Variants in GIGYF2 observed in about 807,000 individuals in gnomAD.
GIGYF2 encodes the protein GRB10 interacting GYF protein 2.
GIGYF2 carries 25 observed loss-of-function variants against 208.1 expected under a neutral mutation model. The observed-to-expected ratio is 0.12, with a 90% CI of 0.09 to 0.17. The LOEUF (loss-of-function observed/expected upper bound fraction) is 0.17, where lower values mean the gene tolerates loss of function less well. Ranked by LOEUF, GIGYF2 falls within the 10% of genes least tolerant of loss-of-function variation. The pLI is 1.00. For missense variants in GIGYF2, 1,302 were observed against 1,579.4 expected (o/e 0.82, Z 2.98); for synonymous variants, 534 against 543.8 (o/e 0.98, Z 0.25).
intron 2 of GIGYF2, among the ~76,000 whole-genome samples, chr2:232,720,282 T>C (rs1696875424): frequency 6.6e-6 from 1 of 152,218 alleles, no homozygotes; most frequent in Non-Finnish European, 1.5e-5. Flanking sequence ...ACTCATCCTT[T>C]TTTATGGCTG....
chr2:232,717,882 C>T (rs1333254339), intron 2 of GIGYF2, among the ~76,000 whole-genome samples: 1 of 152,082 alleles, frequency 6.6e-6, no homozygotes, highest in Non-Finnish European at 1.5e-5. Context: ...ATCCAGACAC[C>T]TCCCATTAGA....
At chr2:232,800,964 G>T (rs1187481407) in intron 14 of GIGYF2, among the ~76,000 whole-genome samples, 1 of 152,016 alleles carries the variant, frequency 6.6e-6, no homozygotes, top group Non-Finnish European at 1.5e-5. Context: ...TGCAACCTCT[G>T]CCTTCTGGGT....
In GIGYF2 at chr2:232,796,342, G is replaced by T. The variant is rs1019626860; in HGVS notation, c.1639+121G>T. 116 of 735,034 alleles carry T rather than the reference G, an allele frequency of 1.6e-4. 1 individual carries two copies. The East Asian group carries it at 3.0e-3, about 19-fold the overall frequency. The allele number at this position is 735,034 out of a possible 1,614,324, so 45.5% of individuals were successfully genotyped here. A position where few individuals can be genotyped will look rare whatever the true frequency, so the allele number is the denominator to read the frequency against. ...AAGAAGTCAACAAGCACACACGCGC[G>T]CACACACGCAGACTAGAAGTGTTTC... On this transcript the variant is annotated intron_variant, in intron 14 of 28. Coordinates refer to ENST00000373563, the MANE Select transcript of GIGYF2 (RefSeq NM_001103146.3).
intron 8 of GIGYF2, among the ~76,000 whole-genome samples, chr2:232,786,680 TAGTA>T (rs1168002809): frequency 6.6e-6 from 1 of 152,218 alleles, no homozygotes; most frequent in African/African-American, 2.4e-5. Flanking sequence ...AAGTATGTGC[TAGTA>T]AGGAAGGATT....
At chr2:232,837,862 T>G (rs1395201704) in intron 22 of GIGYF2, among the ~76,000 whole-genome samples, 1 of 152,180 alleles carries the variant, frequency 6.6e-6, no homozygotes, top group African/African-American at 2.4e-5. Context: ...AACAGTTATT[T>G]CTTAAAGCAA....
At chr2:232,775,689 C>T (rs1256071749) in intron 8 of GIGYF2, among the ~76,000 whole-genome samples, 1 of 152,138 alleles carries the variant, frequency 6.6e-6, no homozygotes, top group African/African-American at 2.4e-5. Context: ...ATTCATTCTA[C>T]TCATTGGGTT....
intron 2 of GIGYF2, among the ~76,000 whole-genome samples, chr2:232,730,624 C>G (rs1228299617): frequency 2.4e-4 from 29 of 119,194 alleles, no homozygotes; most frequent in Middle Eastern, 9.8e-3. Context: ...AAAGGCCGGG[C>G]GCGGTGGCTC....
Position 232,806,014 on chromosome 2 carries a change from C to CA in GIGYF2, c.1640-477_1640-476insA, listed in dbSNP as rs1415970155. 3.5e-5 allele frequency among the ~76,000 whole-genome samples: 3 copies of CA among 84,958 alleles called. No homozygotes were observed. The highest frequency in any genetic ancestry group is 3.5e-4 in the East Asian group (1 of 2,824). The allele number at this position is 84,958 out of a possible 152,430, so 55.7% of individuals were successfully genotyped here. On this transcript the variant is annotated intron_variant, in intron 14 of 28. Coordinates refer to ENST00000373563, the MANE Select transcript of GIGYF2 (RefSeq NM_001103146.3). The surrounding 1 kb of genome is among the most constrained non-coding windows in gnomAD (Gnocchi z 4.0). ...TATTATAAAACATTTAGAGAATACTCGTTTTTTCCCCACTACCAAGATCAG... is the reference window on the plus strand; with the variant it reads ...TATTATAAAACATTTAGAGAATACTCAGTTTTTTCCCCACTACCAAGATCAG...
intron 6 of GIGYF2, 146 bp downstream of exon 6, chr2:232,756,480 A>G: frequency 3.6e-6 from 2 of 551,012 alleles, no homozygotes; most frequent in South Asian, 5.7e-5. Flanking sequence ...TATATTCAGA[A>G]CCATTTTTTA....
intron 2 of GIGYF2, chr2:232,730,261 G>T: frequency 1.3e-6 from 1 of 770,198 alleles, no homozygotes; most frequent in Non-Finnish European, 2.2e-6. Flanking sequence ...GGCACCCTGT[G>T]CTGAAAGAGG....
At chr2:232,838,202 T>C (rs895198406) in intron 22 of GIGYF2, among the ~76,000 whole-genome samples, 5 of 152,106 alleles carry the variant, frequency 3.3e-5, no homozygotes, top group East Asian at 1.9e-4. Flanking sequence ...CTATGAAATA[T>C]AGAGTATATA....
chr2:232,741,294 C>T (rs1269797296), intron 3 of GIGYF2, among the ~76,000 whole-genome samples: 3 of 152,158 alleles, frequency 2.0e-5, no homozygotes, highest in Non-Finnish European at 4.4e-5. Flanking sequence ...GGGTCTGTCA[C>T]AACATGTCAA....
At chr2:232,768,311 A>G (rs1461344737) in intron 8 of GIGYF2, 1 of 1,614,082 alleles carries the variant, frequency 6.2e-7, no homozygotes, top group African/African-American at 1.3e-5. Context: ...ATTCAGGGAC[A>G]GTCTTGTCAA....
At chr2:232,840,039 T>C (rs1701771061) in intron 23 of GIGYF2, 68 bp downstream of exon 23, 3 of 1,451,340 alleles carry the variant, frequency 2.1e-6, no homozygotes, top group African/African-American at 2.8e-5. Flanking sequence ...CATTATGGGT[T>C]AGTGGTTACT....
chr2:232,854,541 A>G (rs1416226897), intron 28 of GIGYF2, among the ~76,000 whole-genome samples: 6 of 152,002 alleles, frequency 3.9e-5, no homozygotes, highest in Non-Finnish European at 2.9e-5. Flanking sequence ...GGCTGTCACT[A>G]TTTTCAAGGG....
intron 8 of GIGYF2, among the ~76,000 whole-genome samples, chr2:232,761,895 C>T (rs1316294492): frequency 6.8e-6 from 1 of 146,108 alleles, no homozygotes; most frequent in African/African-American, 2.5e-5. Context: ...AAAAATAACT[C>T]AGATAAATTG....
chr2:232,753,057 T>G (rs1284584119), intron 5 of GIGYF2, among the ~76,000 whole-genome samples: 1 of 152,002 alleles, frequency 6.6e-6, no homozygotes, highest in Admixed American at 6.6e-5. Context: ...CACACACACA[T>G]AAATGGTAGC....
At chr2:232,814,564 A>ACCG (rs1187503725) in intron 18 of GIGYF2, among the ~76,000 whole-genome samples, 3 of 65,188 alleles carry the variant, frequency 4.6e-5, no homozygotes, top group Non-Finnish European at 9.3e-5. Flanking sequence ...CTCCACCTCA[A>ACCG]ACCCCCCCCC....
At chr2:232,763,064 A>G (rs1698812501) in intron 8 of GIGYF2, among the ~76,000 whole-genome samples, 1 of 152,172 alleles carries the variant, frequency 6.6e-6, no homozygotes, top group Non-Finnish European at 1.5e-5. Context: ...AATTGGGAAC[A>G]GACTAGGTAG....
Sources: allele counts gnomAD v4.1 joint callset (sites outside exome capture counted in the v4.1 genomes callset), GRCh38; gene constraint gnomAD v4.1.1; non-coding constraint Gnocchi (gnomAD v3.1); transcripts MANE v1.5; gene names NCBI Gene and HGNC (gene_info 2026-07-23, HGNC 2026-07-21).